SBF2: variants seen among roughly 807,000 people sequenced by gnomAD.
SBF2 encodes the protein SET binding factor 2, also known as myotubularin-related protein 13.
A neutral mutation model predicts 225.2 loss-of-function variants in SBF2; 112 were observed. The ratio of observed to expected loss-of-function variants is 0.50; its 90% CI spans 0.43 to 0.58. The LOEUF (loss-of-function observed/expected upper bound fraction) is 0.58. Ranked by LOEUF, SBF2 falls within the 20% of genes least tolerant of loss-of-function variation. SBF2 has a pLI of 0.00. For missense variants in SBF2, 1,996 were observed against 2,206.2 expected, an observed-to-expected ratio of 0.90 and a Z score of 1.91; for synonymous variants, 763 against 773.3, an observed-to-expected ratio of 0.99 and a Z score of 0.22.
At chr11:10,146,801 A>G (rs1421848529) in intron 2 of SBF2, among the ~76,000 whole-genome samples, 4 of 152,210 alleles carry the variant, frequency 2.6e-5, no homozygotes, top group Non-Finnish European at 5.9e-5. Context: ...AGAATGGGAG[A>G]AAATTTTTGC....
chr11:10,194,361 G>A (rs1443148786), intron 1 of SBF2, among the ~76,000 whole-genome samples: 1 of 152,046 alleles, frequency 6.6e-6, no homozygotes, highest in Admixed American at 6.5e-5. Flanking sequence ...AGAGTATATA[G>A]GAAAATATGC....
At chr11:9,863,390 G>C (rs1275564875) in intron 17 of SBF2, among the ~76,000 whole-genome samples, 1 of 152,202 alleles carries the variant, frequency 6.6e-6, no homozygotes, top group Non-Finnish European at 1.5e-5. Context: ...AGGAAAGAAG[G>C]CTAGCTGGCA....
chr11:9,838,871 C>CA (rs1277203531), intron 26 of SBF2: 13 of 154,408 alleles, frequency 8.4e-5, no homozygotes, highest in Non-Finnish European at 1.4e-4. Flanking sequence ...ATTTGAAAAA[C>CA]AGTGAGAGAT....
intron 27 of SBF2, among the ~76,000 whole-genome samples, chr11:9,830,566 C>T (rs1017169637): frequency 6.6e-6 from 1 of 151,676 alleles, no homozygotes; most frequent in Non-Finnish European, 1.5e-5. Flanking sequence ...ATGGTGAAAC[C>T]CCATCTCTAC....
intron 20 of SBF2, among the ~76,000 whole-genome samples, 169 bp from the exon 21 acceptor site, chr11:9,852,918 A>T (rs1590226125): frequency 2.0e-5 from 3 of 152,334 alleles, no homozygotes. Flanking sequence ...TATACCCAAA[A>T]GAAATGAAAG....
chr11:9,779,148 T>G lies in SBF2; in HGVS notation c.*1270A>C, dbSNP rs1851878547. The G allele has an allele frequency of 6.6e-6, 1 of 152,650 alleles. No individual in the cohort carries two copies. Among genetic ancestry groups the G allele is most frequent in the South Asian group, 2.1e-4 (1 of 4,836 alleles). 9.5% of individuals were successfully genotyped at this position (152,650 alleles called of 1,614,324 possible). A position where few individuals can be genotyped will look rare whatever the true frequency, so the allele number is the denominator to read the frequency against. ...ATTTTTAATCTACAAAGTATTTTTATTTTTTAAAAGGGAACCATTTCATTA... is the reference window on the plus strand; with the variant it reads ...ATTTTTAATCTACAAAGTATTTTTAGTTTTTAAAAGGGAACCATTTCATTA... On this transcript the variant is annotated 3_prime_UTR_variant, in exon 40 of 40. Transcript: ENST00000256190.
chr11:10,183,825 T>C (rs538835111), intron 2 of SBF2, among the ~76,000 whole-genome samples: 10 of 152,290 alleles, frequency 6.6e-5, no homozygotes, highest in Admixed American at 5.9e-4. Flanking sequence ...TTGTGGTTAT[T>C]AGAGGCTGGG....
At chr11:9,817,539 T>C (rs1854515898) in intron 28 of SBF2, among the ~76,000 whole-genome samples, 1 of 151,182 alleles carries the variant, frequency 6.6e-6, no homozygotes. Flanking sequence ...TTAATATTTG[T>C]ATATCATGCC....
At chr11:9,962,745 C>T (rs540021719) in intron 15 of SBF2, among the ~76,000 whole-genome samples, 3 of 152,212 alleles carry the variant, frequency 2.0e-5, no homozygotes, top group Admixed American at 2.0e-4. Flanking sequence ...AGTTAATTTA[C>T]TTCACATATA....
In SBF2 at chr11:10,065,473, GTTCT is replaced by G. The variant is rs1950594187; in HGVS notation, c.142-22496_142-22493del. On this transcript the variant is annotated intron_variant, in intron 2 of 39. Transcript: ENST00000256190. ...AAAAAATCAACTAAAGCAAAAGTTT[GTTCT>G]TTGAGATAAAAAAAACTTTAGCCAC... Among the ~76,000 whole-genome samples the G allele has an allele frequency of 3.3e-5, 5 of 151,982 alleles. No individual in the cohort carries two copies. In the South Asian group the frequency reaches 6.2e-4, roughly 19 times the overall value.
At chr11:9,877,576 G>A (rs1481666816) in intron 17 of SBF2, among the ~76,000 whole-genome samples, 2 of 151,932 alleles carry the variant, frequency 1.3e-5, no homozygotes, top group Non-Finnish European at 2.9e-5. Flanking sequence ...GCCCCAGTGT[G>A]TGACGTTCCC....
chr11:10,189,441 T>C (rs1320300317), intron 2 of SBF2, among the ~76,000 whole-genome samples: 1 of 152,182 alleles, frequency 6.6e-6, no homozygotes, highest in Non-Finnish European at 1.5e-5. Context: ...CTAAACAGCT[T>C]AAAGAATTAA....
At chr11:10,224,940 G>C (rs1281089242) in intron 1 of SBF2, among the ~76,000 whole-genome samples, 1 of 152,168 alleles carries the variant, frequency 6.6e-6, no homozygotes, top group Non-Finnish European at 1.5e-5. Context: ...AAGAGTAAGT[G>C]ATGGTGCTTA....
Position 9,982,198 on chromosome 11 carries a change from A to C in SBF2, c.1395+7299T>G, listed in dbSNP as rs1369032822. 3.9e-5 allele frequency among the ~76,000 whole-genome samples: 6 copies of C among 152,262 alleles called. No individual in the cohort carries two copies. The East Asian group carries it at 1.2e-3, about 29-fold the overall frequency. ...TCAGCTTTTCGCTCCCTCTGTTCAA[A>C]ACAATGCAACTCCTGACCAGCTGAC... On this transcript the variant is annotated intron_variant, in intron 13 of 39. Transcript: ENST00000256190.
Position 9,780,488 on chromosome 11 carries a change from A to AAGTT in SBF2, c.5476_5479dup (p.Phe1827Ter). The stretch of plus-strand genomic sequence containing the variant: ...GGCACTCTGTCCATCCTGGGCGCAG[A>AAGTT]AGTTATACACACGTTTGCTGGTCTT... On this transcript the variant is annotated stop_gained and frameshift_variant, in exon 40 of 40. Coordinates refer to ENST00000256190, the MANE Select transcript of SBF2 (RefSeq NM_030962.4). LOFTEE classifies it high-confidence loss of function. The AAGTT allele has an allele frequency of 6.2e-7, 1 of 1,614,166 alleles. No individual in the cohort carries two copies. Among genetic ancestry groups the AAGTT allele is most frequent in the Non-Finnish European group, 8.5e-7 (1 of 1,180,018 alleles).
At chr11:9,907,239 C>T (rs1376933128) in intron 16 of SBF2, among the ~76,000 whole-genome samples, 1 of 152,146 alleles carries the variant, frequency 6.6e-6, no homozygotes, top group Non-Finnish European at 1.5e-5. Flanking sequence ...ACTCTTCTGC[C>T]AGGCTTATTA....
At chr11:9,869,484 AATT>A (rs776712968) in intron 17 of SBF2, among the ~76,000 whole-genome samples, 2 of 152,092 alleles carry the variant, frequency 1.3e-5, no homozygotes, top group Admixed American at 6.6e-5. Flanking sequence ...ATGCCTGGCT[AATT>A]TTTGTATTTT....
intron 16 of SBF2, among the ~76,000 whole-genome samples, chr11:9,921,891 C>G (rs1056745488): frequency 6.6e-6 from 1 of 152,088 alleles, no homozygotes; most frequent in African/African-American, 2.4e-5. Context: ...TAACTTGCCA[C>G]AACAGAAGAA....
chr11:10,071,616 G>GGCTCC (rs1950882728), intron 2 of SBF2, among the ~76,000 whole-genome samples: 1 of 152,116 alleles, frequency 6.6e-6, no homozygotes. Context: ...CATTCAGTAT[G>GGCTCC]ATATTGGCTG....
Sources: gnomAD v4.1 joint callset for allele counts (sites outside exome capture counted in the v4.1 genomes callset) on GRCh38, gnomAD v4.1.1 for gene constraint, MANE v1.5 for transcripts, NCBI Gene and HGNC (gene_info 2026-07-23, HGNC 2026-07-21) for gene names.